Variants in CLDN14 observed in about 807,000 individuals in gnomAD.
CLDN14 encodes claudin 14, also known as claudin-14.
CLDN14 carries 2 observed loss-of-function variants against 2.1 expected under a neutral mutation model. That is an observed-to-expected ratio of 0.96 (90% CI 0.39 to 3.01). The LOEUF (loss-of-function observed/expected upper bound fraction) is 3.01. Among genes scored for constraint, CLDN14 ranks in the 30% most tolerant of loss-of-function variants. The pLI is 0.09. For missense variants in CLDN14, 298 were observed against 328.0 expected, an observed-to-expected ratio of 0.91 and a Z score of 0.71; for synonymous variants, 136 against 154.4, an observed-to-expected ratio of 0.88 and a Z score of 0.88.
rs140473565 is a variant in CLDN14 at position 36,523,696 on chromosome 21, C to T, written c.-219-13196G>A. ...CCGGGAGGTGGAGGTTGCAGTGAGC[C>T]GAGACTTTTCCACTGCACTCCAGCC... On this transcript the variant is annotated intron_variant, in intron 1 of 2. Coordinates refer to the CLDN14 transcript ENST00000342108. Among the ~76,000 whole-genome samples, 12 of 146,282 alleles carry T rather than the reference C, an allele frequency of 8.2e-5. No homozygotes were observed. The East Asian group carries it at 2.2e-3, about 27-fold the overall frequency.
At chr21:36,573,209 G>A (rs1438679113) in intron 1 of CLDN14, among the ~76,000 whole-genome samples, 7 of 151,840 alleles carry the variant, frequency 4.6e-5, no homozygotes, top group African/African-American at 1.5e-4. Flanking sequence ...GCTGAGGCAG[G>A]TGAATGGTGT....
intron 2 of CLDN14, chr21:36,485,858 T>C (rs536850979): frequency 4.1e-5 from 22 of 541,800 alleles, no homozygotes; most frequent in African/African-American, 4.0e-4. Flanking sequence ...ATTTCCTTTT[T>C]TTTTTTTTTA....
rs1054393738 is a variant in CLDN14 at position 36,498,434 on chromosome 21, G to A, written c.-82+11929C>T. Among the ~76,000 whole-genome samples, 3 of 152,170 alleles carry A rather than the reference G, an allele frequency of 2.0e-5. No individual in the cohort carries two copies. Among genetic ancestry groups the A allele is most frequent in the Non-Finnish European group, 4.4e-5 (3 of 68,030 alleles). On this transcript the variant is annotated intron_variant, in intron 2 of 2. Transcript: ENST00000342108. This position sits in a 1 kb window ranked among gnomAD's most constrained non-coding sequence, Gnocchi z 4.9. ...ACTTGTATTTTACATCTCTTGTCTG[G>A]ATTTAGCTGTGAAAGACCAGTAGAC...
At chr21:36,517,351 A>G (rs116603903) in intron 1 of CLDN14, among the ~76,000 whole-genome samples, 291 of 152,262 alleles carry the variant, frequency 1.9e-3, no homozygotes, top group African/African-American at 6.8e-3. Context: ...AGCCTAAAAC[A>G]TTTATTGTCT....
At chr21:36,538,290 CT>C (rs1358776342) in intron 1 of CLDN14, among the ~76,000 whole-genome samples, 3 of 152,146 alleles carry the variant, frequency 2.0e-5, no homozygotes, top group African/African-American at 7.2e-5. Flanking sequence ...AGTCATAAAA[CT>C]TAGCAAGAAA....
chr21:36,508,512 G>A (rs574423202), intron 2 of CLDN14, among the ~76,000 whole-genome samples: 3 of 152,262 alleles, frequency 2.0e-5, no homozygotes, highest in South Asian at 2.1e-4. Flanking sequence ...GACCCATAGA[G>A]CACGCAGTCC....
At chr21:36,484,972 A>T (rs2086880429), upstream of CLDN14, among the ~76,000 whole-genome samples, 1 of 148,336 alleles carries the variant, frequency 6.7e-6, no homozygotes, top group South Asian at 2.1e-4. Context: ...TCGGCCTCCC[A>T]AAGTGCTGGG....
intron 1 of CLDN14, among the ~76,000 whole-genome samples, chr21:36,557,836 G>T (rs2087609711): frequency 6.6e-6 from 1 of 152,104 alleles, no homozygotes; most frequent in Non-Finnish European, 1.5e-5. Flanking sequence ...TTACACTTTG[G>T]TTGTCATATC....
chr21:36,520,668 G>C (rs1029125379), intron 1 of CLDN14, among the ~76,000 whole-genome samples: 1 of 152,108 alleles, frequency 6.6e-6, no homozygotes, highest in African/African-American at 2.4e-5. Flanking sequence ...TATCAGCAGC[G>C]TGAAAATGGA....
intron 2 of CLDN14, among the ~76,000 whole-genome samples, chr21:36,509,772 T>G (rs2087168730): frequency 6.6e-6 from 1 of 152,016 alleles, no homozygotes; most frequent in Non-Finnish European, 1.5e-5. Flanking sequence ...ATTTTTGTAT[T>G]TTTAGTAGAG....
chr21:36,471,404 C>T (rs1024507115), intron 1 of CLDN14, among the ~76,000 whole-genome samples: 2 of 152,164 alleles, frequency 1.3e-5, no homozygotes, highest in Non-Finnish European at 2.9e-5. Flanking sequence ...CTCAGCTTCT[C>T]CAGGCTTAAA....
chr21:36,480,174 T>C (rs1419674656), upstream of CLDN14: 2 of 152,300 alleles, frequency 1.3e-5, no homozygotes, highest in Non-Finnish European at 2.9e-5. Context: ...CCTAGATGCA[T>C]GCTGGTCGAT....
intron 1 of CLDN14, among the ~76,000 whole-genome samples, chr21:36,530,385 T>C (rs1336156522): frequency 2.0e-5 from 3 of 152,248 alleles, no homozygotes; most frequent in Non-Finnish European, 4.4e-5. Flanking sequence ...GACTCTGCCT[T>C]CTCTCTAGCC....
intron 1 of CLDN14, among the ~76,000 whole-genome samples, chr21:36,517,489 G>T (rs1325405953): frequency 2.0e-5 from 3 of 152,224 alleles, no homozygotes; most frequent in African/African-American, 7.2e-5. Flanking sequence ...CATTACTGCA[G>T]AGTTAGACAG....
At chr21:36,464,802 C>T (rs187182708) in intron 1 of CLDN14, among the ~76,000 whole-genome samples, 44 of 152,318 alleles carry the variant, frequency 2.9e-4, no homozygotes, top group African/African-American at 8.7e-4. Context: ...CATGGGGAAA[C>T]GAGAGGAGCA....
intron 2 of CLDN14, chr21:36,485,826 C>T (rs771918213): frequency 8.6e-6 from 4 of 462,466 alleles, no homozygotes; most frequent in Non-Finnish European, 1.6e-5. Flanking sequence ...AGATATAAAC[C>T]TGATGGGAAA....
At chr21:36,527,708 C>G (rs574291839) in intron 1 of CLDN14, among the ~76,000 whole-genome samples, 55 of 152,260 alleles carry the variant, frequency 3.6e-4, no homozygotes, top group African/African-American at 1.3e-3. Flanking sequence ...GGAGAAACAA[C>G]AGGTCACCAG....
At chr21:36,512,356 G>A (rs571118870) in intron 1 of CLDN14, among the ~76,000 whole-genome samples, 1 of 152,308 alleles carries the variant, frequency 6.6e-6, no homozygotes, top group Admixed American at 6.5e-5. Context: ...GAAGATTTAT[G>A]TGGTAAGGGA....
intron 1 of CLDN14, among the ~76,000 whole-genome samples, chr21:36,541,139 T>G (rs141142141): frequency 6.6e-6 from 1 of 152,184 alleles, no homozygotes; most frequent in Non-Finnish European, 1.5e-5. Context: ...GGACTTGATG[T>G]GGACGGGCTG....
Sources: allele counts gnomAD v4.1 joint callset (sites outside exome capture counted in the v4.1 genomes callset), GRCh38; gene constraint gnomAD v4.1.1; non-coding constraint Gnocchi (gnomAD v3.1); transcripts MANE v1.5; gene names NCBI Gene and HGNC (gene_info 2026-07-23, HGNC 2026-07-21).